Variants in SPINK5 observed in about 807,000 individuals in gnomAD.
The protein encoded by SPINK5 is serine protease inhibitor Kazal-type 5.
Under a neutral mutation model 151.8 loss-of-function variants are expected in SPINK5, and 125 were observed. The ratio of observed to expected loss-of-function variants is 0.82; its 90% CI spans 0.71 to 0.96. The LOEUF is 0.96. SPINK5 is among the 40% of genes least tolerant of loss of function. The pLI is 0.00. For synonymous variants in SPINK5, 374 were observed against 395.3 expected (o/e 0.95, Z 0.64); for missense variants, 1,194 against 1,291.9 (o/e 0.92, Z 1.16).
At chr5:148,105,751 G>A (rs1360553559) in intron 16 of SPINK5, among the ~76,000 whole-genome samples, 1 of 151,600 alleles carries the variant, frequency 6.6e-6, no homozygotes, top group Non-Finnish European at 1.5e-5. Flanking sequence ...CTAATAGCTG[G>A]GATTACAGGC....
intron 18 of SPINK5, 137 bp from the exon 19 acceptor site, chr5:148,111,630 AT>A: frequency 7.9e-7 from 1 of 1,265,484 alleles, no homozygotes. Flanking sequence ...TCTGAAAAGC[AT>A]TTTGGTTACT....
chr5:148,098,231 A>T (rs1753525467), intron 11 of SPINK5, among the ~76,000 whole-genome samples: 1 of 152,162 alleles, frequency 6.6e-6, no homozygotes, highest in South Asian at 2.1e-4. Flanking sequence ...ACAAACATGA[A>T]CTTGTACAAA....
intron 2 of SPINK5, 180 bp downstream of exon 2, chr5:148,065,552 C>G: frequency 2.2e-6 from 1 of 449,774 alleles, no homozygotes; most frequent in South Asian, 2.4e-5. Flanking sequence ...CTCTCACACA[C>G]ACACACACAC....
chr5:148,126,557 G>A (rs1457421695), intron 29 of SPINK5, among the ~76,000 whole-genome samples: 1 of 150,898 alleles, frequency 6.6e-6, no homozygotes, highest in Admixed American at 6.6e-5. Flanking sequence ...CTATCTCAAT[G>A]TTCTGTGATT....
In SPINK5 at chr5:148,065,085, G is replaced by A. The variant is rs569969394; in HGVS notation, c.56-262G>A. ...TTTGAAGATAAGCTATTTTGATGGG[G>A]TTAGAATTCACATGAGTATTATTTT... On this transcript the variant is annotated intron_variant, in intron 1 of 32. Transcript: ENST00000256084. 1.3e-3 allele frequency among the ~76,000 whole-genome samples: 196 copies of A among 152,172 alleles called. 6 individuals are homozygous for A. In the South Asian group the frequency reaches 0.04, roughly 31 times the overall value.
Position 148,111,775 on chromosome 5 carries a change from G to T in SPINK5, c.1700G>T (p.Cys567Phe). 1 of 1,613,996 alleles carries T rather than the reference G, an allele frequency of 6.2e-7. No homozygotes were observed. Among genetic ancestry groups the T allele is most frequent in the Non-Finnish European group, 8.5e-7 (1 of 1,179,900 alleles). ...TTCTGCTTCATTTGGCAGGAGCTGT[G>T]CAGTGAATATCGTCATTATGTGAGG... ...KVKREAVQEL[C>F]SEYRHYVRNG... Residue 567 changes from cysteine to phenylalanine, a missense_variant, in exon 19 of 33, where the codon TGC (cysteine) becomes TTC (phenylalanine). Cys to Phe is a radical substitution (Grantham distance 205). Transcript: ENST00000256084.
Position 148,131,171 on chromosome 5 carries a change from T to G in SPINK5, c.2965-88T>G, listed in dbSNP as rs551459787. Reference sequence around the variant, plus strand: ...TCCTTTTACAACCATTTATTCAAGTTGGATTAAGGAACTCAAGAGGTTTTC... The same window carrying G: ...TCCTTTTACAACCATTTATTCAAGTGGGATTAAGGAACTCAAGAGGTTTTC... On this transcript the variant is annotated intron_variant, in intron 30 of 32. Transcript: ENST00000256084. 2.7e-5 allele frequency: 40 copies of G among 1,486,938 alleles called. No homozygotes were observed. The South Asian group carries it at 4.5e-4, about 17-fold the overall frequency. The allele number at this position is 1,486,938 out of a possible 1,614,324, so 92.1% of individuals were successfully genotyped here.
At position 148,137,227 on chromosome 5, in the gene SPINK5, C is replaced by T. The variant is rs1026571507; in HGVS notation, c.*236C>T. 1.7e-6 allele frequency: 1 copy of T among 591,296 alleles called. No homozygotes were observed. The allele number at this position is 591,296 out of a possible 1,614,324, so 36.6% of individuals were successfully genotyped here. On this transcript the variant is annotated 3_prime_UTR_variant, in exon 33 of 33. Coordinates refer to ENST00000256084, the MANE Select transcript of SPINK5 (RefSeq NM_006846.4). Reference sequence around the variant, plus strand: ...CACCAAGTCTGAGCCCTCAAAATGTCCTGATTACAATGCTGTCTGTCCAAC... The same window carrying T: ...CACCAAGTCTGAGCCCTCAAAATGTTCTGATTACAATGCTGTCTGTCCAAC...
chr5:148,086,576 C>T (rs747506940), intron 5 of SPINK5, 44 bp downstream of exon 5: 2 of 1,602,088 alleles, frequency 1.2e-6, no homozygotes, highest in African/African-American at 1.3e-5. Flanking sequence ...AACGTGTTCT[C>T]TCTATAATTA....
chr5:148,097,717 G>A (rs1196400528), intron 10 of SPINK5, 150 bp from the exon 11 acceptor site: 9 of 671,174 alleles, frequency 1.3e-5, no homozygotes, highest in Non-Finnish European at 2.2e-5. Flanking sequence ...GATATTACAA[G>A]GAGAGAAATA....
In SPINK5 at chr5:148,131,841, G is replaced by C. The variant is rs143583663; in HGVS notation, c.3095+452G>C. ...ATTTCTTTAACCCTGCCTCTTGAAAGAAGTAGTACCTTGCAAAAGGAAAGT... is the reference window on the plus strand; with the variant it reads ...ATTTCTTTAACCCTGCCTCTTGAAACAAGTAGTACCTTGCAAAAGGAAAGT... On this transcript the variant is annotated intron_variant, in intron 31 of 32. Transcript: ENST00000256084. 6.1e-3 allele frequency among the ~76,000 whole-genome samples: 932 copies of C among 152,238 alleles called. 8 individuals are homozygous for C. The highest frequency in any genetic ancestry group is 0.021 in the African/African-American group (876 of 41,540).
rs754502394 is a variant in SPINK5 at position 148,072,188 on chromosome 5, G to T, written c.250G>T (p.Ala84Ser). The change falls in exon 4 of 33, where the codon GCA becomes TCA. Residue 84 changes from alanine (A) to serine (S), a missense_variant. By Grantham distance (99) the Ala-to-Ser change is moderately conservative (BLOSUM62 1). Coordinates refer to ENST00000256084, the MANE Select transcript of SPINK5 (RefSeq NM_006846.4). ...AKSQKRARHL[A>S]RAPKATAPTE... ...ATCACAGAAGAGGGCCAGGCATTTA[G>T]CAAGAGCTCCCAAGGCTACTGCCCC... 6.2e-7 allele frequency: 1 copy of T among 1,612,384 alleles called. No homozygotes were observed.
intron 3 of SPINK5, among the ~76,000 whole-genome samples, chr5:148,071,351 G>T (rs904633244): frequency 2.6e-5 from 4 of 152,076 alleles, no homozygotes; most frequent in Non-Finnish European, 5.9e-5. Flanking sequence ...GTTTGATCAT[G>T]CACTGCTTCT....
intron 6 of SPINK5, 133 bp downstream of exon 6, chr5:148,088,738 C>CA (rs1238309951): frequency 4.8e-6 from 4 of 830,262 alleles, no homozygotes; most frequent in Non-Finnish European, 7.9e-6. Context: ...ATGGAATACC[C>CA]AGTACTGCCC....
chr5:148,134,143 C>T (rs528089354), intron 32 of SPINK5: 81 of 500,544 alleles, frequency 1.6e-4, no homozygotes, highest in South Asian at 1.4e-3. Context: ...ATGTCTCCAA[C>T]ATAACGTTAC....
intron 2 of SPINK5, among the ~76,000 whole-genome samples, chr5:148,068,581 A>T (rs1752650535): frequency 1.5e-5 from 2 of 133,860 alleles, no homozygotes; most frequent in Non-Finnish European, 3.1e-5. Flanking sequence ...AAAAAAAAAA[A>T]GAAAGAAAGA....
intron 31 of SPINK5, among the ~76,000 whole-genome samples, chr5:148,132,420 A>G (rs1373789165): frequency 6.6e-6 from 1 of 152,146 alleles, no homozygotes; most frequent in Non-Finnish European, 1.5e-5. Flanking sequence ...TAGGTAAGGT[A>G]TGGTAGATAT....
At chr5:148,068,622 A>C (rs1752653583) in intron 2 of SPINK5, among the ~76,000 whole-genome samples, 1 of 151,506 alleles carries the variant, frequency 6.6e-6, no homozygotes, top group African/African-American at 2.4e-5. Flanking sequence ...AAAACACCAG[A>C]TATAGATATA....
chr5:148,105,963 A>G (rs1293526418), intron 16 of SPINK5, among the ~76,000 whole-genome samples: 1 of 151,494 alleles, frequency 6.6e-6, no homozygotes, highest in African/African-American at 2.4e-5. Context: ...AACAGTACAA[A>G]CCTCATCATT....
Sources: gnomAD v4.1 joint callset for allele counts (sites outside exome capture counted in the v4.1 genomes callset) on GRCh38, gnomAD v4.1.1 for gene constraint, MANE v1.5 for transcripts, NCBI Gene and HGNC (gene_info 2026-07-23, HGNC 2026-07-21) for gene names.